NEGR1: variants seen among roughly 807,000 people sequenced by gnomAD.
The protein encoded by NEGR1 is neuronal growth regulator 1, also known as IgLON family member 4.
NEGR1 carries 10 observed loss-of-function variants against 40.9 expected under a neutral mutation model. The observed-to-expected ratio is 0.24, with a 90% CI of 0.15 to 0.42. The LOEUF is 0.42. Among genes scored for constraint, NEGR1 ranks in the 10% least tolerant of loss-of-function variants. The pLI, the probability that NEGR1 is intolerant of heterozygous loss-of-function variation, is 1.00. For missense variants in NEGR1, 352 were observed against 438.9 expected (o/e 0.80, Z 1.77); for synonymous variants, 185 against 166.8 (o/e 1.11, Z -0.84).
At position 72,084,950 on chromosome 1, in the gene NEGR1, G is replaced by T. The variant is rs543740790; in HGVS notation, c.177-149639C>A. Among the ~76,000 whole-genome samples, 6 of 152,310 alleles carry T rather than the reference G, an allele frequency of 3.9e-5. No homozygotes were observed. In the South Asian group the frequency reaches 1.0e-3, roughly 26 times the overall value. On this transcript the variant is annotated intron_variant, in intron 1 of 6. Transcript: ENST00000357731. The stretch of plus-strand genomic sequence containing the variant: ...TTAAATTAAATGAAAGCAACATAAT[G>T]ATTCAGGTTAGGACCTTTTTGGGAA...
intron 2 of NEGR1, among the ~76,000 whole-genome samples, chr1:71,843,300 T>C (rs1166342770): frequency 6.6e-6 from 1 of 152,140 alleles, no homozygotes; most frequent in Admixed American, 6.6e-5. Flanking sequence ...GACTTAGCTA[T>C]GGAAACAGAA....
chr1:71,863,364 T>C (rs1269546372), intron 2 of NEGR1, among the ~76,000 whole-genome samples: 1 of 152,030 alleles, frequency 6.6e-6, no homozygotes, highest in African/African-American at 2.4e-5. Context: ...GAAGAAACAC[T>C]ACAGGTCCTC....
chr1:72,086,033 C>G lies in NEGR1; in HGVS notation c.177-150722G>C, dbSNP rs551297718. 3.6e-4 allele frequency among the ~76,000 whole-genome samples: 54 copies of G among 151,270 alleles called. 2 individuals are homozygous for G. The South Asian group carries it at 0.011, about 30-fold the overall frequency. On this transcript the variant is annotated intron_variant, in intron 1 of 6. Transcript: ENST00000357731. ...AGGACCTCTGATCAAGAGCCTACAC[C>G]TGCAACACTGAAAGCTTACTAGAGC... is the stretch of plus-strand genomic sequence containing the variant.
intron 6 of NEGR1, among the ~76,000 whole-genome samples, chr1:71,448,786 A>C (rs767866867): frequency 7.2e-5 from 11 of 152,216 alleles, no homozygotes; most frequent in Non-Finnish European, 1.3e-4. Context: ...AATTTATACA[A>C]TTAGGTCAAA....
intron 1 of NEGR1, among the ~76,000 whole-genome samples, chr1:72,029,249 G>A (rs769131890): frequency 2.0e-5 from 3 of 152,128 alleles, no homozygotes; most frequent in Non-Finnish European, 4.4e-5. Context: ...TGAGGCTAAG[G>A]TGGGAGGATC....
chr1:72,193,809 G>T (rs894723201), intron 1 of NEGR1, among the ~76,000 whole-genome samples: 2 of 151,416 alleles, frequency 1.3e-5, no homozygotes, highest in African/African-American at 4.8e-5. Context: ...ATATTAAGGT[G>T]TATCCCAGAT....
At chr1:71,449,701 G>T (rs935740953) in intron 6 of NEGR1, among the ~76,000 whole-genome samples, 1 of 152,078 alleles carries the variant, frequency 6.6e-6, no homozygotes, top group African/African-American at 2.4e-5. Context: ...AGTTTTCAAA[G>T]AAATCTTTAT....
intron 3 of NEGR1, among the ~76,000 whole-genome samples, chr1:71,730,916 GTGTGTGTA>G (rs1654841691): frequency 6.7e-6 from 1 of 149,094 alleles, no homozygotes; most frequent in Non-Finnish European, 1.5e-5. Flanking sequence ...GTGTGTGTGT[GTGTGTGTA>G]TGTAACTTGA....
intron 1 of NEGR1, among the ~76,000 whole-genome samples, chr1:72,086,918 CACAA>C (rs1468088328): frequency 6.6e-6 from 1 of 151,900 alleles, no homozygotes; most frequent in African/African-American, 2.4e-5. Flanking sequence ...CTTATGGCAA[CACAA>C]ACAAATCATT....
At chr1:71,455,255 A>G (rs1472397367) in intron 6 of NEGR1, among the ~76,000 whole-genome samples, 1 of 152,188 alleles carries the variant, frequency 6.6e-6, no homozygotes, top group Non-Finnish European at 1.5e-5. Flanking sequence ...TGAGCCTAAT[A>G]TATTATTCGG....
At chr1:71,506,471 G>A (rs1250434466) in intron 6 of NEGR1, among the ~76,000 whole-genome samples, 4 of 152,116 alleles carry the variant, frequency 2.6e-5, no homozygotes, top group Non-Finnish European at 4.4e-5. Context: ...AGTTGGAAGC[G>A]AACCTTTGGT....
chr1:71,442,336 C>T (rs1646553694), intron 6 of NEGR1, among the ~76,000 whole-genome samples: 4 of 149,360 alleles, frequency 2.7e-5, no homozygotes, highest in South Asian at 2.1e-4. Flanking sequence ...CATTTTCAGC[C>T]GGGTGCGGTG....
intron 1 of NEGR1, among the ~76,000 whole-genome samples, chr1:72,278,358 T>C (rs1656128949): frequency 6.6e-6 from 1 of 152,056 alleles, no homozygotes; most frequent in Non-Finnish European, 1.5e-5. Context: ...AAGGGCTGAA[T>C]AAGAAACAGA....
intron 1 of NEGR1, among the ~76,000 whole-genome samples, chr1:72,225,144 A>G (rs1189268604): frequency 6.6e-6 from 1 of 151,972 alleles, no homozygotes; most frequent in Non-Finnish European, 1.5e-5. Context: ...TTTCCAACAC[A>G]TGTAGCTGAG....
intron 2 of NEGR1, among the ~76,000 whole-genome samples, chr1:71,830,122 A>G (rs1326716027): frequency 6.6e-6 from 1 of 151,904 alleles, no homozygotes; most frequent in Non-Finnish European, 1.5e-5. Context: ...AGGACTTTTC[A>G]TCTTTATCAG....
At chr1:72,202,417 G>A (rs773061690) in intron 1 of NEGR1, among the ~76,000 whole-genome samples, 3 of 151,916 alleles carry the variant, frequency 2.0e-5, no homozygotes, top group Non-Finnish European at 4.4e-5. Flanking sequence ...TAACCTTAAT[G>A]AGGAAGACAT....
At chr1:71,669,328 A>T (rs916216093) in intron 4 of NEGR1, among the ~76,000 whole-genome samples, 1 of 152,052 alleles carries the variant, frequency 6.6e-6, no homozygotes, top group Admixed American at 6.5e-5. Flanking sequence ...CTTTTAATGT[A>T]TATAATAAAA....
At chr1:71,809,108 A>G (rs896202927) in intron 2 of NEGR1, among the ~76,000 whole-genome samples, 1 of 152,196 alleles carries the variant, frequency 6.6e-6, no homozygotes, top group Admixed American at 6.6e-5. Flanking sequence ...GGGGGCACTG[A>G]TAAGTGATGG....
chr1:72,141,888 T>C (rs1650691686), intron 1 of NEGR1, among the ~76,000 whole-genome samples: 1 of 151,978 alleles, frequency 6.6e-6, no homozygotes, highest in Middle Eastern at 3.4e-3. Flanking sequence ...AGTCAAACAA[T>C]GACAGTTAAT....
Sources: allele counts gnomAD v4.1 joint callset (sites outside exome capture counted in the v4.1 genomes callset), GRCh38; gene constraint gnomAD v4.1.1; transcripts MANE v1.5; gene names NCBI Gene and HGNC (gene_info 2026-07-23, HGNC 2026-07-21).